PRH1: variants seen among roughly 807,000 people sequenced by gnomAD.
PRH1 encodes the protein proline rich protein HaeIII subfamily 1, also known as salivary acidic proline-rich phosphoprotein 1/2.
In PRH1, 7 loss-of-function variants were observed where a neutral mutation model predicts 7.9. The observed-to-expected ratio is 0.89, with a 90% CI of 0.50 to 1.67. PRH1 has a LOEUF of 1.67. Among genes scored for constraint, PRH1 ranks in the 40% most tolerant of loss-of-function variants. The probability of loss-of-function intolerance (pLI) is 0.00; values close to 1 mark genes in which losing one functional copy is unlikely to be tolerated. For missense variants in PRH1, 109 were observed against 223.6 expected, an observed-to-expected ratio of 0.49 and a Z score of 3.27; for synonymous variants, 45 against 80.8, an observed-to-expected ratio of 0.56 and a Z score of 2.38.
intron 2 of PRH1, among the ~76,000 whole-genome samples, chr12:10,969,358 A>T (rs1419887196): frequency 6.6e-6 from 1 of 152,156 alleles, no homozygotes; most frequent in Admixed American, 6.5e-5. Flanking sequence ...AGGCCAAAAA[A>T]GGCAACATTT....
rs138996275 is a variant in PRH1 at position 11,004,667 on chromosome 12, A to G, written c.-125-30946T>C. Reference sequence around the variant, plus strand: ...ATATATTTCATACATTTATTTGTTCATATTTCATTATTAATTTTTCTAATT... The same window carrying G: ...ATATATTTCATACATTTATTTGTTCGTATTTCATTATTAATTTTTCTAATT... On this transcript the variant is annotated intron_variant, in intron 1 of 3. Coordinates refer to the PRH1 transcript ENST00000539853. 1.3e-4 allele frequency among the ~76,000 whole-genome samples: 20 copies of G among 152,186 alleles called. No individual in the cohort carries two copies. In the East Asian group the frequency reaches 3.7e-3, roughly 28 times the overall value.
At chr12:11,048,414 C>T (rs1428276897), upstream of PRH1, 6 of 314,272 alleles carry the variant, frequency 1.9e-5, no homozygotes, top group East Asian at 3.8e-4. Context: ...TCCTACTTCC[C>T]ATAGTCAGGA....
chr12:11,045,828 A>G (rs1019353481), intron 1 of PRH1, among the ~76,000 whole-genome samples: 4 of 152,116 alleles, frequency 2.6e-5, no homozygotes, highest in Non-Finnish European at 4.4e-5. Context: ...GTTGATGAAA[A>G]TCTTCAGATA....
chr12:10,937,243 T>C lies in PRH1; in HGVS notation c.-59+36412A>G, dbSNP rs7487884. Reference sequence around the variant, plus strand: ...CTCTCTCTCTCTCTCTGTGTGTGTGTGTGCGTGCGTGTGTATGAATATGTA... The same window carrying C: ...CTCTCTCTCTCTCTCTGTGTGTGTGCGTGCGTGCGTGTGTATGAATATGTA... On this transcript the variant is annotated intron_variant, in intron 2 of 3. Coordinates refer to the PRH1 transcript ENST00000539853. 5.9e-5 allele frequency among the ~76,000 whole-genome samples: 9 copies of C among 151,888 alleles called. 1 individual carries two copies. The South Asian group carries it at 1.7e-3, about 28-fold the overall frequency.
At chr12:11,167,023 A>C (rs1332746963) in intron 1 of PRH1, among the ~76,000 whole-genome samples, 1 of 152,246 alleles carries the variant, frequency 6.6e-6, no homozygotes, top group Admixed American at 6.5e-5. Flanking sequence ...CCACCTAAAT[A>C]ATATGGGATA....
At chr12:11,071,896 G>C (rs1944087282) in intron 1 of PRH1, among the ~76,000 whole-genome samples, 1 of 152,156 alleles carries the variant, frequency 6.6e-6, no homozygotes, top group Admixed American at 6.5e-5. Context: ...CCTTATAAAA[G>C]TGTCTGCTTT....
At chr12:11,054,873 G>T (rs1943300531) in intron 1 of PRH1, among the ~76,000 whole-genome samples, 1 of 124,342 alleles carries the variant, frequency 8.0e-6, no homozygotes, top group East Asian at 2.6e-4. Flanking sequence ...CGAGATCTCG[G>T]CTCACTGCAA....
intron 1 of PRH1, among the ~76,000 whole-genome samples, chr12:11,128,805 A>G (rs1946226345): frequency 6.6e-6 from 1 of 152,216 alleles, no homozygotes; most frequent in Non-Finnish European, 1.5e-5. Context: ...GTTAGGAGTT[A>G]ATATACTATT....
At position 11,134,294 on chromosome 12, in the gene PRH1, G is replaced by A. The variant is rs1169249445; in HGVS notation, n.40-13114C>T. On this transcript the variant is annotated intron_variant and non_coding_transcript_variant, in intron 1 of 1. Transcript: ENST00000541175. ...TTAAAATGCTGGTGTAATATCACTG[G>A]TTGTGATTGCTTGAATATCCTGACC... 3.3e-6 allele frequency: 5 copies of A among 1,496,038 alleles called. No individual in the cohort carries two copies. The East Asian group carries it at 1.2e-4, about 35-fold the overall frequency. The allele number at this position is 1,496,038 out of a possible 1,614,324, so 92.7% of individuals were successfully genotyped here.
chr12:10,931,714 A>T (rs1331711411), intron 2 of PRH1, among the ~76,000 whole-genome samples: 1 of 152,092 alleles, frequency 6.6e-6, no homozygotes, highest in African/African-American at 2.4e-5. Context: ...TTTTCCCACC[A>T]CTAATACCAC....
chr12:11,157,374 C>G (rs1947284985), intron 1 of PRH1, among the ~76,000 whole-genome samples: 1 of 152,188 alleles, frequency 6.6e-6, no homozygotes, highest in Admixed American at 6.5e-5. Flanking sequence ...TCCTTTTACT[C>G]TCCTTACACT....
intron 2 of PRH1, chr12:10,932,229 G>A (rs1250921306): frequency 2.3e-6 from 1 of 435,912 alleles, no homozygotes; most frequent in African/African-American, 2.0e-5. Flanking sequence ...TTTTCAGGAA[G>A]TGAATAAGAA....
intron 1 of PRH1, among the ~76,000 whole-genome samples, chr12:11,101,006 T>G (rs1215396975): frequency 6.6e-6 from 1 of 152,230 alleles, no homozygotes; most frequent in Non-Finnish European, 1.5e-5. Flanking sequence ...TCCATCGTAC[T>G]ATAATTTATT....
At chr12:11,069,347 G>T (rs1454525726) in intron 1 of PRH1, among the ~76,000 whole-genome samples, 2 of 152,106 alleles carry the variant, frequency 1.3e-5, no homozygotes, top group Admixed American at 1.3e-4. Flanking sequence ...TCTGTTAACT[G>T]ATTTGGCTAC....
At chr12:10,892,996 G>T (rs754184500) in intron 2 of PRH1, among the ~76,000 whole-genome samples, 80 of 152,210 alleles carry the variant, frequency 5.3e-4, no homozygotes, top group Non-Finnish European at 1.0e-3. Flanking sequence ...AAGGAAGGCA[G>T]CTGGTGTGTG....
chr12:11,015,522 C>T (rs1221958300), intron 1 of PRH1, among the ~76,000 whole-genome samples: 3 of 152,130 alleles, frequency 2.0e-5, no homozygotes, highest in Non-Finnish European at 2.9e-5. Flanking sequence ...GCTGCAGACT[C>T]GTACCAAATT....
intron 1 of PRH1, among the ~76,000 whole-genome samples, chr12:11,132,413 G>A (rs1946381004): frequency 6.6e-6 from 1 of 152,234 alleles, no homozygotes; most frequent in Admixed American, 6.5e-5. Context: ...GGAAGATAAG[G>A]ATATAATTAG....
intron 2 of PRH1, among the ~76,000 whole-genome samples, chr12:10,921,559 T>C (rs2135848181): frequency 6.6e-6 from 1 of 152,336 alleles, no homozygotes; most frequent in Admixed American, 6.5e-5. Flanking sequence ...CTTTTGAATT[T>C]CCTAATCTTT....
intron 1 of PRH1, among the ~76,000 whole-genome samples, chr12:11,014,213 T>A (rs142794647): frequency 1.3e-5 from 2 of 152,340 alleles, no homozygotes; most frequent in East Asian, 3.9e-4. Context: ...ACAACAGGCA[T>A]CATTGTAGAG....
Sources: gnomAD v4.1 joint callset for allele counts (sites outside exome capture counted in the v4.1 genomes callset) on GRCh38, gnomAD v4.1.1 for gene constraint, MANE v1.5 for transcripts, NCBI Gene and HGNC (gene_info 2026-07-23, HGNC 2026-07-21) for gene names.